GALNTL6: variants seen among roughly 807,000 people sequenced by gnomAD.
GALNTL6 encodes the protein polypeptide N-acetylgalactosaminyltransferase like 6.
In GALNTL6, 46 loss-of-function variants were observed where a neutral mutation model predicts 73.7. That is an observed-to-expected ratio of 0.62 (90% CI 0.49 to 0.80). The LOEUF is 0.80. Ranked by LOEUF, GALNTL6 falls within the 30% of genes least tolerant of loss-of-function variation. The pLI is 0.00. For synonymous variants in GALNTL6, 259 were observed against 263.7 expected (o/e 0.98, Z 0.17); for missense variants, 604 against 755.0 (o/e 0.80, Z 2.34).
At chr4:172,527,363 T>A (rs1044669358) in intron 5 of GALNTL6, among the ~76,000 whole-genome samples, 2 of 152,192 alleles carry the variant, frequency 1.3e-5, no homozygotes, top group Admixed American at 1.3e-4. Flanking sequence ...GCCACCAACA[T>A]ATTGACCAGT....
At chr4:172,236,330 C>G (rs1737237992) in intron 3 of GALNTL6, among the ~76,000 whole-genome samples, 1 of 152,060 alleles carries the variant, frequency 6.6e-6, no homozygotes, top group African/African-American at 2.4e-5. Context: ...AATGCCGAGG[C>G]AGGCGGATCA....
chr4:172,388,269 G>A (rs1287756768), intron 5 of GALNTL6, among the ~76,000 whole-genome samples: 5 of 152,080 alleles, frequency 3.3e-5, no homozygotes, highest in African/African-American at 1.2e-4. Context: ...TCTGTCTGCT[G>A]TTGTTGCTAT....
At chr4:171,839,106 A>G (rs184317766) in intron 2 of GALNTL6, among the ~76,000 whole-genome samples, 1 of 152,234 alleles carries the variant, frequency 6.6e-6, no homozygotes, top group Non-Finnish European at 1.5e-5. Context: ...CATAGGTTAT[A>G]GAAAGGCTTG....
At chr4:172,198,785 C>T (rs1735860905) in intron 2 of GALNTL6, among the ~76,000 whole-genome samples, 1 of 152,190 alleles carries the variant, frequency 6.6e-6, no homozygotes, top group Admixed American at 6.5e-5. Flanking sequence ...TTGCCTCTCC[C>T]AGCATCAAAC....
chr4:171,817,830 G>A (rs1734561444), intron 2 of GALNTL6, among the ~76,000 whole-genome samples: 2 of 151,406 alleles, frequency 1.3e-5, no homozygotes, highest in African/African-American at 4.8e-5. Context: ...TATGGTTTGG[G>A]ATCTGCAAAA....
chr4:172,674,843 G>C (rs1204823262), intron 5 of GALNTL6, among the ~76,000 whole-genome samples: 2 of 152,078 alleles, frequency 1.3e-5, no homozygotes, highest in Non-Finnish European at 1.5e-5. Flanking sequence ...CTGCTTTTCT[G>C]TACTGTCTAT....
chr4:173,007,985 A>G (rs1184634743), intron 10 of GALNTL6, among the ~76,000 whole-genome samples: 1 of 152,190 alleles, frequency 6.6e-6, no homozygotes, highest in Non-Finnish European at 1.5e-5. Context: ...GCAAATTTTC[A>G]AAGGTCAGGC....
At chr4:172,917,677 T>C (rs1747593700) in intron 8 of GALNTL6, among the ~76,000 whole-genome samples, 1 of 152,122 alleles carries the variant, frequency 6.6e-6, no homozygotes, top group South Asian at 2.1e-4. Context: ...ATCAGAGAAA[T>C]GCAAATCAAA....
chr4:172,482,357 G>A (rs955137870), intron 5 of GALNTL6, among the ~76,000 whole-genome samples: 2 of 152,244 alleles, frequency 1.3e-5, no homozygotes, highest in African/African-American at 2.4e-5. Context: ...CTCAAGCGTG[G>A]CCAGAGCGGA....
chr4:172,504,803 T>G lies in GALNTL6; in HGVS notation c.553+156114T>G, dbSNP rs1561114912. Among the ~76,000 whole-genome samples, 7 of 55,104 alleles carry G rather than the reference T, an allele frequency of 1.3e-4. 3 individuals are homozygous for G. The highest frequency in any genetic ancestry group is 2.9e-4 in the Non-Finnish European group (7 of 23,912). The allele number at this position is 55,104 out of a possible 152,430, so 36.2% of individuals were successfully genotyped here. ...TATTAAAATGAGATTTTATCCCATC[T>G]TACGTGCCTTGTAAATGTGTATATT... On this transcript the variant is annotated intron_variant, in intron 5 of 12. Coordinates refer to ENST00000506823, the MANE Select transcript of GALNTL6 (RefSeq NM_001034845.3).
rs1186124125 is a variant in GALNTL6, at chr4:172,390,998, C to T, written c.553+42309C>T. Among the ~76,000 whole-genome samples the T allele has an allele frequency of 3.3e-5, 5 of 152,156 alleles. No homozygotes were observed. The East Asian group carries it at 9.6e-4, about 29-fold the overall frequency. ...TATTAAATCAAGTCAATGTTATTTACACTTTAAATGAGTTACATTACTTCA... is the reference window on the plus strand; with the variant it reads ...TATTAAATCAAGTCAATGTTATTTATACTTTAAATGAGTTACATTACTTCA... On this transcript the variant is annotated intron_variant, in intron 5 of 12. Coordinates refer to ENST00000506823, the MANE Select transcript of GALNTL6 (RefSeq NM_001034845.3).
chr4:172,868,275 C>G (rs1319833370), intron 7 of GALNTL6, among the ~76,000 whole-genome samples: 3 of 152,136 alleles, frequency 2.0e-5, no homozygotes, highest in Admixed American at 6.6e-5. Context: ...TAATACCATC[C>G]AGCTTAAATG....
At chr4:172,333,451 A>G (rs896670331) in intron 4 of GALNTL6, among the ~76,000 whole-genome samples, 1 of 152,100 alleles carries the variant, frequency 6.6e-6, no homozygotes, top group Admixed American at 6.6e-5. Flanking sequence ...CGAAATGTAC[A>G]TTGATGTCCT....
intron 5 of GALNTL6, among the ~76,000 whole-genome samples, chr4:172,589,525 GT>G (rs1737553424): frequency 6.6e-6 from 1 of 152,146 alleles, no homozygotes; most frequent in South Asian, 2.1e-4. Context: ...GCTCTGAGAA[GT>G]TAAGTAACTG....
intron 12 of GALNTL6, among the ~76,000 whole-genome samples, chr4:173,036,304 TC>T (rs1330962062): frequency 1.3e-5 from 2 of 152,206 alleles, no homozygotes; most frequent in East Asian, 3.8e-4. Context: ...CAGTGTGGAA[TC>T]TTTTCTGTAA....
intron 5 of GALNTL6, among the ~76,000 whole-genome samples, chr4:172,489,287 C>T (rs1033751487): frequency 3.3e-5 from 5 of 152,244 alleles, no homozygotes; most frequent in East Asian, 1.9e-4. Context: ...CACACACACA[C>T]GCTCAGATAT....
chr4:172,722,697 C>G (rs1342646909), intron 5 of GALNTL6, among the ~76,000 whole-genome samples: 3 of 152,134 alleles, frequency 2.0e-5, no homozygotes, highest in African/African-American at 7.2e-5. Flanking sequence ...TTGGCTCTAG[C>G]CTTCTGGTCA....
At chr4:171,933,644 C>T (rs964094164) in intron 2 of GALNTL6, among the ~76,000 whole-genome samples, 24 of 152,060 alleles carry the variant, frequency 1.6e-4, no homozygotes, top group Non-Finnish European at 3.1e-4. Context: ...TGTATATTTA[C>T]TTAACTAAGA....
Position 171,978,348 on chromosome 4 carries a change from G to A in GALNTL6, c.138+163630G>A, listed in dbSNP as rs146961525. 3.6e-3 allele frequency among the ~76,000 whole-genome samples: 547 copies of A among 152,226 alleles called. 6 individuals carry two copies. Among genetic ancestry groups the A allele is most frequent in the African/African-American group, 0.013 (525 of 41,530 alleles). Reference sequence around the variant, plus strand: ...ATTCTGTGATGTTCTCATTGGGTGAGACTTTTGTGGCTCTTCTCCAAGAAT... The same window carrying A: ...ATTCTGTGATGTTCTCATTGGGTGAAACTTTTGTGGCTCTTCTCCAAGAAT... On this transcript the variant is annotated intron_variant, in intron 2 of 12. Coordinates refer to ENST00000506823, the MANE Select transcript of GALNTL6 (RefSeq NM_001034845.3).
Sources: gnomAD v4.1 joint callset for allele counts (sites outside exome capture counted in the v4.1 genomes callset) on GRCh38, gnomAD v4.1.1 for gene constraint, MANE v1.5 for transcripts, NCBI Gene and HGNC (gene_info 2026-07-23, HGNC 2026-07-21) for gene names.